The following CNTN3 variants were observed in gnomAD, a reference collection of about 807,000 sequenced individuals.
CNTN3 encodes the protein contactin-3.
A neutral mutation model predicts 119.1 loss-of-function variants in CNTN3; 60 were observed. The observed-to-expected ratio is 0.50, with a 90% CI of 0.41 to 0.62. CNTN3 has a LOEUF of 0.62. CNTN3 is among the 20% of genes least tolerant of loss of function. CNTN3 has a pLI of 0.00. For missense variants in CNTN3, 1,101 were observed against 1,242.4 expected (o/e 0.89, Z 1.71); for synonymous variants, 450 against 438.7 (o/e 1.03, Z -0.32).
intron 5 of CNTN3, among the ~76,000 whole-genome samples, chr3:74,398,454 G>A (rs936893386): frequency 5.9e-5 from 9 of 152,158 alleles, no homozygotes; most frequent in Non-Finnish European, 1.2e-4. Flanking sequence ...TTGTTTTTTA[G>A]TCATAATGCA....
At position 74,356,141 on chromosome 3, in the gene CNTN3, T is replaced by C. The variant is rs183399600; in HGVS notation, c.1364+5749A>G. Reference sequence around the variant, plus strand: ...TGGAGCTGCCTTGCCCCTTCTACCATGTGAGGATGCAGCAACAAGGCCCCA... The same window carrying C: ...TGGAGCTGCCTTGCCCCTTCTACCACGTGAGGATGCAGCAACAAGGCCCCA... On this transcript the variant is annotated intron_variant, in intron 11 of 22. Transcript: ENST00000263665. Among the ~76,000 whole-genome samples the C allele has an allele frequency of 7.2e-5, 11 of 152,142 alleles. No individual in the cohort carries two copies. In the East Asian group the frequency reaches 2.1e-3, roughly 29 times the overall value.
At chr3:74,386,135 C>T (rs963472980) in intron 5 of CNTN3, among the ~76,000 whole-genome samples, 7 of 152,304 alleles carry the variant, frequency 4.6e-5, no homozygotes, top group Admixed American at 1.3e-4. Flanking sequence ...TGAACCACTA[C>T]ACAAAGCTGT....
Position 74,607,029 on chromosome 3 carries a change from A to G in CNTN3, c.-81+7362T>C, listed in dbSNP as rs138756339. On this transcript the variant is annotated intron_variant, in intron 1 of 22. Coordinates refer to ENST00000263665, the MANE Select transcript of CNTN3 (RefSeq NM_020872.3). ...CCTGCATGGCTCACATTTCAAAACC[A>G]TACAGTCCATGCACAAAGCTTTTGA... Among the ~76,000 whole-genome samples, 482 of 152,320 alleles carry G rather than the reference A, an allele frequency of 3.2e-3. 4 individuals carry two copies. Among genetic ancestry groups the G allele is most frequent in the African/African-American group, 0.011 (458 of 41,594 alleles).
At chr3:74,384,238 A>C (rs1328054921) in intron 5 of CNTN3, among the ~76,000 whole-genome samples, 1 of 152,238 alleles carries the variant, frequency 6.6e-6, no homozygotes, top group African/African-American at 2.4e-5. Flanking sequence ...ATTTACCGGA[A>C]ACAAACAATA....
At chr3:74,268,130 ACT>A (rs997717560) in intron 20 of CNTN3, among the ~76,000 whole-genome samples, 1 of 151,802 alleles carries the variant, frequency 6.6e-6, no homozygotes, top group African/African-American at 2.4e-5. Context: ...GATTAATGAA[ACT>A]CTCTGCGGTT....
intron 17 of CNTN3, among the ~76,000 whole-genome samples, chr3:74,298,845 C>T (rs1464161997): frequency 3.5e-5 from 5 of 143,074 alleles, no homozygotes; most frequent in Admixed American, 1.4e-4. Flanking sequence ...TGCAATGAGC[C>T]GATATCACGC....
chr3:74,453,359 G>C (rs1004148233), intron 4 of CNTN3, among the ~76,000 whole-genome samples: 3 of 152,004 alleles, frequency 2.0e-5, no homozygotes, highest in African/African-American at 7.2e-5. Context: ...GATCGGTGGT[G>C]ATATCCCCTT....
At position 74,302,900 on chromosome 3, in the gene CNTN3, G is replaced by T; in HGVS notation, c.1669-93C>A. On this transcript the variant is annotated intron_variant, in intron 13 of 22. Coordinates refer to ENST00000263665, the MANE Select transcript of CNTN3 (RefSeq NM_020872.3). ...TGGCCAAAAACAACAACATTGCAATGAAAACTATATTTAGGGAGCAAACCA... is the reference window on the plus strand; with the variant it reads ...TGGCCAAAAACAACAACATTGCAATTAAAACTATATTTAGGGAGCAAACCA... The T allele has an allele frequency of 4.0e-6, 3 of 747,622 alleles. No homozygotes were observed. The South Asian group carries it at 5.4e-5, about 13-fold the overall frequency. 46.3% of individuals were successfully genotyped at this position (747,622 alleles called of 1,614,324 possible).
chr3:74,519,940 A>G (rs1703514558), intron 2 of CNTN3, among the ~76,000 whole-genome samples: 1 of 151,626 alleles, frequency 6.6e-6, no homozygotes, highest in Non-Finnish European at 1.5e-5. Context: ...ATATATTATC[A>G]TGTAAATATT....
chr3:74,415,466 C>CA (rs1396119101), intron 5 of CNTN3, among the ~76,000 whole-genome samples: 1 of 152,092 alleles, frequency 6.6e-6, no homozygotes, highest in Non-Finnish European at 1.5e-5. Flanking sequence ...GGACAGCTGT[C>CA]AAAAAATAAA....
chr3:74,555,165 G>A (rs1704050619), intron 1 of CNTN3, among the ~76,000 whole-genome samples: 1 of 152,144 alleles, frequency 6.6e-6, no homozygotes, highest in Non-Finnish European at 1.5e-5. Context: ...CATCTATTGA[G>A]GTAATCATGT....
At chr3:74,324,984 A>G (rs940693185) in intron 13 of CNTN3, among the ~76,000 whole-genome samples, 1 of 152,180 alleles carries the variant, frequency 6.6e-6, no homozygotes, top group Non-Finnish European at 1.5e-5. Flanking sequence ...GGAGGTAACA[A>G]TCTGATACAT....
intron 4 of CNTN3, among the ~76,000 whole-genome samples, chr3:74,450,426 C>A (rs1559608319): frequency 6.6e-6 from 1 of 151,096 alleles, no homozygotes; most frequent in Non-Finnish European, 1.5e-5. Flanking sequence ...ATCTTCTCTG[C>A]AGTGCTATTT....
chr3:74,542,480 C>A (rs938715180), intron 1 of CNTN3, among the ~76,000 whole-genome samples: 4 of 152,018 alleles, frequency 2.6e-5, no homozygotes, highest in African/African-American at 9.7e-5. Flanking sequence ...TTCCTCTACC[C>A]AAGCAAAATC....
chr3:74,427,503 A>C (rs946112772), intron 4 of CNTN3, among the ~76,000 whole-genome samples: 1 of 152,200 alleles, frequency 6.6e-6, no homozygotes, highest in South Asian at 2.1e-4. Flanking sequence ...ATGTCTAAAA[A>C]GCTTCAGATC....
intron 5 of CNTN3, among the ~76,000 whole-genome samples, chr3:74,417,553 C>T (rs1255181708): frequency 6.6e-6 from 1 of 152,046 alleles, no homozygotes; most frequent in Non-Finnish European, 1.5e-5. Context: ...TGGAATATGC[C>T]TGGATGGACA....
At chr3:74,612,661 T>A (rs960095988) in intron 1 of CNTN3, among the ~76,000 whole-genome samples, 3 of 152,168 alleles carry the variant, frequency 2.0e-5, no homozygotes, top group Admixed American at 6.5e-5. Flanking sequence ...TTACTATTCA[T>A]CTTATAAAAG....
At chr3:74,474,393 C>A (rs1437639989) in intron 4 of CNTN3, among the ~76,000 whole-genome samples, 1 of 152,070 alleles carries the variant, frequency 6.6e-6, no homozygotes, top group Non-Finnish European at 1.5e-5. Flanking sequence ...TACTGATACC[C>A]AGAGATGTGG....
At chr3:74,392,201 A>G (rs111902508) in intron 5 of CNTN3, among the ~76,000 whole-genome samples, 16 of 152,314 alleles carry the variant, frequency 1.1e-4, no homozygotes, top group African/African-American at 3.6e-4. Flanking sequence ...TAATTCAAGG[A>G]CATTAATTAA....
Sources: gnomAD v4.1 joint callset for allele counts (sites outside exome capture counted in the v4.1 genomes callset) on GRCh38, gnomAD v4.1.1 for gene constraint, MANE v1.5 for transcripts, NCBI Gene and HGNC (gene_info 2026-07-23, HGNC 2026-07-21) for gene names.